Variants in FAM91A1 observed in about 807,000 individuals in gnomAD.
FAM91A1 encodes family with sequence similarity 91 member A1, also known as protein FAM91A1.
In FAM91A1, 41 loss-of-function variants were observed where a neutral mutation model predicts 113.5. The observed-to-expected ratio is 0.36, with a 90% CI of 0.28 to 0.47. The LOEUF is 0.47. FAM91A1 is among the 20% of genes least tolerant of loss of function. The pLI is 1.00. For synonymous variants in FAM91A1, 307 were observed against 347.9 expected (o/e 0.88, Z 1.31); for missense variants, 696 against 1,001.2 (o/e 0.70, Z 4.11).
chr8:123,787,806 T>C, intron 14 of FAM91A1, 56 bp downstream of exon 14: 1 of 1,367,948 alleles, frequency 7.3e-7, no homozygotes, highest in South Asian at 1.3e-5. Flanking sequence ...TGTCCTTGCT[T>C]GACAGAATGC....
chr8:123,789,423 C>A (rs906940085), intron 14 of FAM91A1, among the ~76,000 whole-genome samples, 190 bp from the exon 15 acceptor site: 1 of 152,164 alleles, frequency 6.6e-6, no homozygotes, highest in Non-Finnish European at 1.5e-5. Context: ...GAAGTAATTT[C>A]TATCTCCATA....
In FAM91A1 at chr8:123,771,218, A is replaced by G. The variant is rs150839555; in HGVS notation, c.72+2444A>G. ...CACCTGTCATAGAGCTTACCCCGCTATGGTGCATTTTGTGGTTACAATACT... is the reference window on the plus strand; with the variant it reads ...CACCTGTCATAGAGCTTACCCCGCTGTGGTGCATTTTGTGGTTACAATACT... On this transcript the variant is annotated intron_variant, in intron 1 of 23. Coordinates refer to ENST00000334705, the MANE Select transcript of FAM91A1 (RefSeq NM_144963.4). Among the ~76,000 whole-genome samples, 4 of 152,300 alleles carry G rather than the reference A, an allele frequency of 2.6e-5. No homozygotes were observed. In the East Asian group the frequency reaches 5.8e-4, roughly 22 times the overall value.
rs994766597 is a variant in FAM91A1 at position 123,808,930 on chromosome 8, G to A, written c.2175G>A (p.Leu725=). 2 of 1,612,278 alleles carry A rather than the reference G, an allele frequency of 1.2e-6. No individual in the cohort carries two copies. The highest frequency in any genetic ancestry group is 2.7e-5 in the African/African-American group (2 of 74,872). The change falls in exon 22 of 24, where the codon CTG becomes CTA. Residue 725 remains leucine, a synonymous_variant. Coordinates refer to ENST00000334705, the MANE Select transcript of FAM91A1 (RefSeq NM_144963.4). ...TTEADWVPLE[L]CFGIPLFSSE... The stretch of plus-strand genomic sequence containing the variant: ...AAGCAGATTGGGTTCCTCTCGAGCT[G>A]TGCTTTGGAATTCCACTGTTCAGTT...
intron 12 of FAM91A1, 64 bp from the exon 13 acceptor site, chr8:123,787,197 C>G: frequency 8.2e-7 from 1 of 1,224,954 alleles, no homozygotes; most frequent in African/African-American, 1.5e-5. Context: ...GAAATACTTT[C>G]ACTCCAAATG....
chr8:123,814,839 C>A lies in FAM91A1; in HGVS notation c.*2135C>A, dbSNP rs557499762. ...TCTCTTAAATCTTACAAGCATTGAT[C>A]CATTTCAACAAAAAGGTAAATTTAA... On this transcript the variant is annotated 3_prime_UTR_variant, in exon 24 of 24. Coordinates refer to ENST00000334705, the MANE Select transcript of FAM91A1 (RefSeq NM_144963.4). The A allele has an allele frequency of 1.3e-5, 2 of 152,576 alleles. No homozygotes were observed. Among genetic ancestry groups the A allele is most frequent in the Non-Finnish European group, 2.9e-5 (2 of 68,036 alleles). 9.5% of individuals were successfully genotyped at this position (152,576 alleles called of 1,614,324 possible). A position where few individuals can be genotyped will look rare whatever the true frequency, so the allele number is the denominator to read the frequency against.
chr8:123,781,962 G>A (rs1488991004), intron 8 of FAM91A1, among the ~76,000 whole-genome samples: 3 of 152,166 alleles, frequency 2.0e-5, no homozygotes, highest in African/African-American at 7.2e-5. Flanking sequence ...AAATATGAAA[G>A]TATTACTCTA....
chr8:123,778,414 A>C (rs943268565), intron 5 of FAM91A1, among the ~76,000 whole-genome samples: 24 of 152,252 alleles, frequency 1.6e-4, no homozygotes, highest in South Asian at 1.4e-3. Flanking sequence ...CTTGGGTTTC[A>C]CTTGAGTTTG....
At chr8:123,797,434 C>T (rs200765478) in intron 15 of FAM91A1, among the ~76,000 whole-genome samples, 2 of 152,176 alleles carry the variant, frequency 1.3e-5, no homozygotes, top group Non-Finnish European at 2.9e-5. Flanking sequence ...CCCCTTCCAC[C>T]TCTTCTGCCT....
At chr8:123,793,925 AG>A (rs1478953344) in intron 15 of FAM91A1, among the ~76,000 whole-genome samples, 3 of 152,236 alleles carry the variant, frequency 2.0e-5, no homozygotes, top group African/African-American at 7.2e-5. Context: ...ATTGTTCAAA[AG>A]GATTAAGAAT....
intron 15 of FAM91A1, among the ~76,000 whole-genome samples, chr8:123,795,231 G>A (rs987295652): frequency 2.6e-5 from 4 of 152,154 alleles, no homozygotes; most frequent in Admixed American, 6.5e-5. Context: ...TCTGTTGACC[G>A]AGAGGCAGCA....
At chr8:123,784,417 T>C in intron 8 of FAM91A1, 53 bp from the exon 9 acceptor site, 1 of 1,337,438 alleles carries the variant, frequency 7.5e-7, no homozygotes, top group Non-Finnish European at 1.0e-6. Flanking sequence ...AATTATACTT[T>C]CTTGTTTTAT....
chr8:123,805,418 C>A, intron 19 of FAM91A1, 79 bp downstream of exon 19: 1 of 1,157,082 alleles, frequency 8.6e-7, no homozygotes, highest in Non-Finnish European at 1.2e-6. Context: ...GAAAACATGG[C>A]AGGAAATGAA....
At chr8:123,768,812 C>T (rs1814770108) in intron 1 of FAM91A1, 38 bp downstream of exon 1, 1 of 1,595,840 alleles carries the variant, frequency 6.3e-7, no homozygotes, top group African/African-American at 1.3e-5. Context: ...CTGACGGATT[C>T]GGCCCGCCCA....
In FAM91A1 at chr8:123,775,152, C is replaced by A; in HGVS notation, c.163C>A (p.His55Asn). The A allele has an allele frequency of 1.3e-6, 2 of 1,597,330 alleles. No homozygotes were observed. Among genetic ancestry groups the A allele is most frequent in the Non-Finnish European group, 1.7e-6 (2 of 1,170,926 alleles). Residue 55 changes from histidine (H) to asparagine (N), a missense_variant, in exon 3 of 24, where the codon CAT becomes AAT. His to Asn is a moderately conservative substitution (Grantham distance 68, BLOSUM62 1). Transcript: ENST00000334705. ...QLRYRNNLVK[H>N]VKKDERRYYE... Reference sequence around the variant, plus strand: ...AATTTCCCTCTTTTGTGCAGTTAAACATGTCAAGAAAGATGAACGCAGATA... The same window carrying A: ...AATTTCCCTCTTTTGTGCAGTTAAAAATGTCAAGAAAGATGAACGCAGATA...
chr8:123,807,452 C>T (rs1314462729), intron 20 of FAM91A1, among the ~76,000 whole-genome samples: 2 of 121,292 alleles, frequency 1.6e-5, no homozygotes, highest in African/African-American at 3.2e-5. Context: ...GAGACCAGTC[C>T]GGGCAATAGA....
chr8:123,808,833 A>G, intron 21 of FAM91A1, 60 bp from the exon 22 acceptor site: 1 of 1,431,428 alleles, frequency 7.0e-7, no homozygotes, highest in Non-Finnish European at 9.4e-7. Context: ...TCAGTTATAT[A>G]TAATATATAC....
intron 15 of FAM91A1, among the ~76,000 whole-genome samples, chr8:123,792,287 C>T (rs1815403539): frequency 6.6e-6 from 1 of 152,196 alleles, no homozygotes; most frequent in Non-Finnish European, 1.5e-5. Flanking sequence ...TCATGTAGTA[C>T]TTGTTATCTA....
chr8:123,794,362 A>G (rs1333413345), intron 15 of FAM91A1, among the ~76,000 whole-genome samples: 2 of 152,228 alleles, frequency 1.3e-5, no homozygotes, highest in African/African-American at 4.8e-5. Flanking sequence ...ATCATAAAAT[A>G]TATACAGATC....
Position 123,808,307 on chromosome 8 carries a change from G to A in FAM91A1, c.2068G>A (p.Gly690Arg). 17 of 1,613,194 alleles carry A rather than the reference G, an allele frequency of 1.1e-5. No homozygotes were observed. The highest frequency in any genetic ancestry group is 1.4e-5 in the Non-Finnish European group (17 of 1,179,572). The stretch of plus-strand genomic sequence containing the variant: ...TTTGGCTTCTGGCTCAGATGTAAAT[G>A]GGAGTACAGAGTCATTTGAAATGGT... ...PDLASGSDVN[G>R]STESFEMVIE... Residue 690 changes from glycine (G) to arginine (R), a missense_variant, in exon 21 of 24, where the codon GGG becomes AGG. By Grantham distance (125) the Gly-to-Arg change is moderately radical (BLOSUM62 -2). Coordinates refer to ENST00000334705, the MANE Select transcript of FAM91A1 (RefSeq NM_144963.4).
Sources: gnomAD v4.1 joint callset for allele counts (sites outside exome capture counted in the v4.1 genomes callset) on GRCh38, gnomAD v4.1.1 for gene constraint, MANE v1.5 for transcripts, NCBI Gene and HGNC (gene_info 2026-07-23, HGNC 2026-07-21) for gene names.